NIPBL: variants seen among roughly 807,000 people sequenced by gnomAD.
NIPBL encodes the protein nipped-B-like protein.
Under a neutral mutation model 321.8 loss-of-function variants are expected in NIPBL, and 19 were observed. That is an observed-to-expected ratio of 0.06 (90% CI 0.04 to 0.09). The LOEUF is 0.09. NIPBL is among the 10% of genes least tolerant of loss of function. The probability of loss-of-function intolerance (pLI) is 1.00; values close to 1 mark genes in which losing one functional copy is unlikely to be tolerated. For synonymous variants in NIPBL, 1,106 were observed against 1,114.1 expected (o/e 0.99, Z 0.14); for missense variants, 2,210 against 3,327.0 (o/e 0.66, Z 8.26).
chr5:36,926,475 A>G lies in NIPBL; in HGVS notation c.-79-27143A>G, dbSNP rs540715962. 2.0e-5 allele frequency among the ~76,000 whole-genome samples: 3 copies of G among 152,358 alleles called. No individual in the cohort carries two copies. The East Asian group carries it at 5.8e-4, about 29-fold the overall frequency. On this transcript the variant is annotated intron_variant, in intron 1 of 46. Coordinates refer to ENST00000282516, the MANE Select transcript of NIPBL (RefSeq NM_133433.4). Reference sequence around the variant, plus strand: ...TCGATTCAGCGGAGACATCATGTGTAGCATCTGCATACAGCATCATCAGCA... The same window carrying G: ...TCGATTCAGCGGAGACATCATGTGTGGCATCTGCATACAGCATCATCAGCA...
Position 36,951,292 on chromosome 5 carries a change from G to C in NIPBL, c.-79-2326G>C, listed in dbSNP as rs192506143. Among the ~76,000 whole-genome samples, 102 of 152,226 alleles carry C rather than the reference G, an allele frequency of 6.7e-4. 1 individual carries two copies. The highest frequency in any genetic ancestry group is 6.3e-3 in the Admixed American group (96 of 15,290). On this transcript the variant is annotated intron_variant, in intron 1 of 46. Transcript: ENST00000282516. ...TCTGCTCTATTTGTTACTCACCTGGGACTTAAGAAAACAGTCAGGTAGCCC... is the reference window on the plus strand; with the variant it reads ...TCTGCTCTATTTGTTACTCACCTGGCACTTAAGAAAACAGTCAGGTAGCCC...
chr5:36,898,612 A>C (rs1297719505), intron 1 of NIPBL, among the ~76,000 whole-genome samples: 1 of 151,820 alleles, frequency 6.6e-6, no homozygotes, highest in South Asian at 2.1e-4. Context: ...CCCAGGTTCA[A>C]GTGATTCTCC....
At chr5:36,897,010 T>A (rs541178473) in intron 1 of NIPBL, among the ~76,000 whole-genome samples, 1,984 of 151,874 alleles carry the variant, frequency 0.013, 43 homozygotes, top group African/African-American at 0.044. Flanking sequence ...TTTATATATT[T>A]TTTTTTTTTT....
At chr5:37,021,716 A>G (rs1749665444) in intron 27 of NIPBL, among the ~76,000 whole-genome samples, 1 of 152,214 alleles carries the variant, frequency 6.6e-6, no homozygotes, top group Non-Finnish European at 1.5e-5. Context: ...ACATTCAACT[A>G]CCAAATTATG....
intron 1 of NIPBL, among the ~76,000 whole-genome samples, chr5:36,949,587 TGTG>T (rs1471109246): frequency 6.6e-6 from 1 of 151,906 alleles, no homozygotes; most frequent in East Asian, 1.9e-4. Context: ...GTAAAAATAT[TGTG>T]GGAATATCTA....
At chr5:37,021,078 C>T (rs1480584734) in intron 27 of NIPBL, among the ~76,000 whole-genome samples, 2 of 152,142 alleles carry the variant, frequency 1.3e-5, no homozygotes, top group South Asian at 2.1e-4. Flanking sequence ...GCAAGTGGAT[C>T]ACCTGAGGTC....
chr5:37,028,750 A>G (rs1750614243), intron 32 of NIPBL, among the ~76,000 whole-genome samples: 1 of 152,158 alleles, frequency 6.6e-6, no homozygotes, highest in African/African-American at 2.4e-5. Flanking sequence ...ATTTATACCA[A>G]AATAATAATG....
At chr5:36,963,622 T>C (rs943632331) in intron 6 of NIPBL, among the ~76,000 whole-genome samples, 3 of 148,868 alleles carry the variant, frequency 2.0e-5, no homozygotes, top group African/African-American at 7.5e-5. Flanking sequence ...CGCAACATAG[T>C]GGGACCCTGT....
intron 1 of NIPBL, among the ~76,000 whole-genome samples, chr5:36,925,936 T>A (rs1162588950): frequency 6.6e-6 from 1 of 152,230 alleles, no homozygotes; most frequent in Non-Finnish European, 1.5e-5. Flanking sequence ...AACCTCCTGC[T>A]ATGCTCATTT....
intron 21 of NIPBL, among the ~76,000 whole-genome samples, chr5:37,011,544 G>A (rs1748127093): frequency 6.6e-6 from 1 of 152,076 alleles, no homozygotes; most frequent in Non-Finnish European, 1.5e-5. Flanking sequence ...GACAGAATGA[G>A]AACCTGTCTA....
At chr5:37,026,691 G>A (rs776842723) in intron 31 of NIPBL, among the ~76,000 whole-genome samples, 1 of 152,148 alleles carries the variant, frequency 6.6e-6, no homozygotes, top group Non-Finnish European at 1.5e-5. Flanking sequence ...ATATGGATTA[G>A]CTACATTTTT....
At chr5:36,912,098 A>G (rs2149546944) in intron 1 of NIPBL, among the ~76,000 whole-genome samples, 1 of 152,346 alleles carries the variant, frequency 6.6e-6, no homozygotes, top group South Asian at 2.1e-4. Flanking sequence ...TTATTGCAAG[A>G]ATCTAGGAAA....
intron 29 of NIPBL, among the ~76,000 whole-genome samples, chr5:37,023,637 C>T (rs2149700859): frequency 6.6e-6 from 1 of 152,050 alleles, no homozygotes; most frequent in Middle Eastern, 3.4e-3. Flanking sequence ...CTTAGATCCT[C>T]CATTGTCCTA....
intron 10 of NIPBL, among the ~76,000 whole-genome samples, chr5:36,992,258 T>C (rs1456744605): frequency 6.6e-6 from 1 of 152,114 alleles, no homozygotes. Flanking sequence ...CAAAAGAAAT[T>C]AGGTGAGAGA....
intron 1 of NIPBL, among the ~76,000 whole-genome samples, chr5:36,935,711 T>C (rs1738330668): frequency 6.6e-6 from 1 of 152,152 alleles, no homozygotes; most frequent in Non-Finnish European, 1.5e-5. Context: ...AACAGAGATT[T>C]ATTCTCTCAC....
At chr5:37,058,679 A>C (rs1223897188) in intron 43 of NIPBL, among the ~76,000 whole-genome samples, 4 of 151,794 alleles carry the variant, frequency 2.6e-5, no homozygotes, top group Non-Finnish European at 4.4e-5. Flanking sequence ...TTTTTGAAGG[A>C]GTGGTTGTAG....
intron 1 of NIPBL, among the ~76,000 whole-genome samples, chr5:36,880,771 TATTTTA>T (rs1466168542): frequency 6.6e-6 from 1 of 152,064 alleles, no homozygotes; most frequent in Non-Finnish European, 1.5e-5. Flanking sequence ...TAATTCTTCG[TATTTTA>T]AAACTAGTCC....
At position 37,007,047 on chromosome 5, in the gene NIPBL, T is replaced by A. The variant is rs576045350; in HGVS notation, c.4088-276T>A. On this transcript the variant is annotated intron_variant, in intron 17 of 46. Transcript: ENST00000282516. ...ATTAATTTAAAGGGAAATATAATCT[T>A]ACTATCCTGCTCCAATGGAGAAAAG... 4.0e-4 allele frequency among the ~76,000 whole-genome samples: 61 copies of A among 152,050 alleles called. 1 individual carries two copies. The South Asian group carries it at 0.012, about 31-fold the overall frequency.
At chr5:36,978,999 T>G (rs1393223069) in intron 9 of NIPBL, among the ~76,000 whole-genome samples, 2 of 152,046 alleles carry the variant, frequency 1.3e-5, no homozygotes, top group Admixed American at 1.3e-4. Context: ...AGTCTTGCAG[T>G]GTAGTTTGAA....
Sources: allele counts gnomAD v4.1 joint callset (sites outside exome capture counted in the v4.1 genomes callset), GRCh38; gene constraint gnomAD v4.1.1; transcripts MANE v1.5; gene names NCBI Gene and HGNC (gene_info 2026-07-23, HGNC 2026-07-21).